NRG1: variants seen among roughly 807,000 people sequenced by gnomAD.
NRG1 encodes neuregulin 1.
Under a neutral mutation model 63.8 loss-of-function variants are expected in NRG1, and 18 were observed. The ratio of observed to expected loss-of-function variants is 0.28; its 90% CI spans 0.19 to 0.42. The LOEUF is 0.42. NRG1 is among the 10% of genes least tolerant of loss of function. NRG1 has a pLI of 1.00. For synonymous variants in NRG1, 302 were observed against 301.3 expected (o/e 1.00, Z -0.02); for missense variants, 762 against 814.7 (o/e 0.94, Z 0.79).
At chr8:31,968,954 C>T (rs1481620138) in intron 1 of NRG1, among the ~76,000 whole-genome samples, 1 of 152,202 alleles carries the variant, frequency 6.6e-6, no homozygotes, top group Non-Finnish European at 1.5e-5. Flanking sequence ...AGAGTGATAT[C>T]TGCTCACAGC....
intron 1 of NRG1, among the ~76,000 whole-genome samples, chr8:31,990,744 G>C (rs1810924926): frequency 1.3e-5 from 2 of 152,062 alleles, no homozygotes; most frequent in Admixed American, 1.3e-4. Flanking sequence ...CCTGATCCCA[G>C]ATTGGACAAG....
At chr8:31,936,211 TTTAAGTA>T (rs1214290105) in intron 1 of NRG1, among the ~76,000 whole-genome samples, 8 of 152,232 alleles carry the variant, frequency 5.3e-5, no homozygotes. Context: ...GCTACTTCTA[TTTAAGTA>T]TTAAGTATAT....
At chr8:32,759,231 T>C in intron 9 of NRG1, 75 bp from the exon 10 acceptor site, 2 of 1,484,836 alleles carry the variant, frequency 1.3e-6, no homozygotes, top group Non-Finnish European at 1.8e-6. Flanking sequence ...ACGTTTTTAT[T>C]TACATGACAA....
intron 1 of NRG1, among the ~76,000 whole-genome samples, chr8:32,356,951 G>A (rs919745340): frequency 6.6e-6 from 1 of 152,218 alleles, no homozygotes; most frequent in Non-Finnish European, 1.5e-5. Flanking sequence ...GTCTGTTGGT[G>A]AAAACAGCTG....
rs150638052 is a variant in NRG1, at chr8:32,667,488, C to T, written c.502+50603C>T. 4.3e-3 allele frequency among the ~76,000 whole-genome samples: 659 copies of T among 152,152 alleles called. 4 individuals carry two copies. The highest frequency in any genetic ancestry group is 0.015 in the African/African-American group (621 of 41,532). ...GGTGTGAAAGTTAAACCAATGGAACCTTTTTTTAGTGAATTTAGTCAAATT... is the reference window on the plus strand; with the variant it reads ...GGTGTGAAAGTTAAACCAATGGAACTTTTTTTTAGTGAATTTAGTCAAATT... On this transcript the variant is annotated intron_variant, in intron 5 of 11. Transcript: ENST00000356819.
At chr8:32,243,553 G>A (rs1848328714) in intron 1 of NRG1, among the ~76,000 whole-genome samples, 1 of 152,048 alleles carries the variant, frequency 6.6e-6, no homozygotes, top group Non-Finnish European at 1.5e-5. Context: ...TGAGGTGCTG[G>A]GAGGTAACAC....
chr8:31,964,418 C>G (rs544477792), intron 1 of NRG1, among the ~76,000 whole-genome samples: 4 of 152,312 alleles, frequency 2.6e-5, no homozygotes, highest in African/African-American at 9.6e-5. Flanking sequence ...GCCTGTAATT[C>G]CAGCAGTTTG....
intron 1 of NRG1, among the ~76,000 whole-genome samples, chr8:31,730,068 ACAGT>A (rs1467022498): frequency 6.6e-6 from 1 of 152,156 alleles, no homozygotes; most frequent in East Asian, 1.9e-4. Context: ...CAAGAGCAAT[ACAGT>A]CAAACTGATT....
At chr8:32,720,802 G>GA (rs777156022) in intron 5 of NRG1, among the ~76,000 whole-genome samples, 31 of 151,686 alleles carry the variant, frequency 2.0e-4, no homozygotes, top group Non-Finnish European at 2.2e-4. Context: ...TGCACTGTCT[G>GA]AAAAAAACAG....
intron 1 of NRG1, among the ~76,000 whole-genome samples, chr8:32,237,503 C>T (rs1423854143): frequency 6.6e-6 from 1 of 151,656 alleles, no homozygotes; most frequent in Non-Finnish European, 1.5e-5. Context: ...TTTTTTTCCC[C>T]GTGATTTGGT....
chr8:31,709,797 A>G (rs1330981377), intron 1 of NRG1, among the ~76,000 whole-genome samples: 2 of 151,680 alleles, frequency 1.3e-5, no homozygotes, highest in East Asian at 3.9e-4. Context: ...GTGGCTTTTT[A>G]AATTCTTATT....
chr8:32,633,624 A>G (rs1438289253), intron 5 of NRG1, among the ~76,000 whole-genome samples: 1 of 152,236 alleles, frequency 6.6e-6, no homozygotes, highest in Non-Finnish European at 1.5e-5. Context: ...AGAATCCATT[A>G]TAAGACTATG....
chr8:31,961,173 C>A (rs1805393177), intron 1 of NRG1, among the ~76,000 whole-genome samples: 1 of 152,146 alleles, frequency 6.6e-6, no homozygotes, highest in African/African-American at 2.4e-5. Context: ...GTGCAGACTT[C>A]GCTTTGGAAG....
chr8:32,630,880 A>G (rs554653767), intron 5 of NRG1, among the ~76,000 whole-genome samples: 3 of 152,280 alleles, frequency 2.0e-5, no homozygotes, highest in East Asian at 3.9e-4. Context: ...CTCAAAATCT[A>G]CTTAAAGCCA....
intron 1 of NRG1, among the ~76,000 whole-genome samples, chr8:32,383,796 T>C (rs970546711): frequency 1.3e-5 from 2 of 152,230 alleles, no homozygotes; most frequent in African/African-American, 4.8e-5. Flanking sequence ...AGAGGAAAGA[T>C]TCCAGGTTAG....
At chr8:31,768,237 C>T (rs1437803904) in intron 1 of NRG1, among the ~76,000 whole-genome samples, 1 of 152,134 alleles carries the variant, frequency 6.6e-6, no homozygotes, top group African/African-American at 2.4e-5. Context: ...TTAATAATGA[C>T]TTTAGACAGC....
At chr8:31,717,927 A>G (rs2131291551) in intron 1 of NRG1, among the ~76,000 whole-genome samples, 1 of 152,306 alleles carries the variant, frequency 6.6e-6, no homozygotes, top group South Asian at 2.1e-4. Context: ...TTACTGTGTT[A>G]ATGCTGTGAT....
intron 1 of NRG1, among the ~76,000 whole-genome samples, chr8:31,684,022 C>T (rs1285798806): frequency 1.3e-5 from 2 of 152,142 alleles, no homozygotes; most frequent in East Asian, 3.9e-4. Context: ...ATTCTCATTT[C>T]AGTTCTGATC....
chr8:32,268,772 G>A (rs548152545), intron 1 of NRG1, among the ~76,000 whole-genome samples: 1 of 152,090 alleles, frequency 6.6e-6, no homozygotes, highest in Non-Finnish European at 1.5e-5. Flanking sequence ...ATTTTAGTTT[G>A]TGATACTCAG....
Sources: allele counts gnomAD v4.1 joint callset (sites outside exome capture counted in the v4.1 genomes callset), GRCh38; gene constraint gnomAD v4.1.1; transcripts MANE v1.5; gene names NCBI Gene and HGNC (gene_info 2026-07-23, HGNC 2026-07-21).